Variants in MED13L observed in about 807,000 individuals in gnomAD.
MED13L encodes the protein mediator complex subunit 13L.
A neutral mutation model predicts 220.9 loss-of-function variants in MED13L; 7 were observed. The observed-to-expected ratio is 0.03, with a 90% confidence interval of 0.02 to 0.06. The LOEUF (loss-of-function observed/expected upper bound fraction) is 0.06. MED13L is among the 10% of genes least tolerant of loss of function. The pLI is 1.00. For missense variants in MED13L, 1,965 were observed against 2,760.5 expected, an observed-to-expected ratio of 0.71 and a Z score of 6.46; for synonymous variants, 1,011 against 1,015.2, an observed-to-expected ratio of 1.00 and a Z score of 0.08.
At chr12:116,258,854 T>C (rs138193299) in intron 1 of MED13L, among the ~76,000 whole-genome samples, 78 of 146,820 alleles carry the variant, frequency 5.3e-4, no homozygotes, top group African/African-American at 1.9e-3. Context: ...TGGATACCCA[T>C]ATAGATGAAA....
chr12:116,142,625 T>TG (rs1877171587), intron 2 of MED13L, among the ~76,000 whole-genome samples: 3 of 151,966 alleles, frequency 2.0e-5, no homozygotes, highest in Non-Finnish European at 4.4e-5. Flanking sequence ...GTGGCAGAGG[T>TG]TGCAGCAGGC....
At chr12:116,072,171 G>A (rs1215849447) in intron 4 of MED13L, among the ~76,000 whole-genome samples, 2 of 152,162 alleles carry the variant, frequency 1.3e-5, no homozygotes, top group African/African-American at 4.8e-5. Context: ...AGGTCTGTAG[G>A]GAAATACAGT....
At chr12:116,187,041 A>C (rs1880945251) in intron 2 of MED13L, among the ~76,000 whole-genome samples, 1 of 152,196 alleles carries the variant, frequency 6.6e-6, no homozygotes. Context: ...CTTTGTACTC[A>C]GGCAGCTAGC....
rs762575990 is a variant in MED13L, at chr12:115,975,290, G to A, written c.5612C>T (p.Ala1871Val). 6.2e-7 allele frequency: 1 copy of A among 1,614,060 alleles called. No homozygotes were observed. The highest frequency in any genetic ancestry group is 8.5e-7 in the Non-Finnish European group (1 of 1,179,992). ...TAACTTCTGTAGTCCAATTTTACGTGCAGATACTTTACTCCTCCGTGACCT... is the reference window on the plus strand; with the variant it reads ...TAACTTCTGTAGTCCAATTTTACGTACAGATACTTTACTCCTCCGTGACCT... ...PNRSRRSKVS[A>V]RKIGLQKLWE... is the part of the protein sequence containing the mutation. Residue 1871 changes from alanine to valine, a missense_variant, in exon 25 of 31, where the codon GCA becomes GTA. Ala to Val is a moderately conservative substitution (Grantham distance 64, BLOSUM62 0). This residue lies in a region of MED13L where 510 missense variants were observed against 620.4 expected (regional missense o/e 0.82). Coordinates refer to ENST00000281928, the MANE Select transcript of MED13L (RefSeq NM_015335.5).
At position 116,034,942 on chromosome 12, in the gene MED13L, T is replaced by C. The variant is rs192170150; in HGVS notation, c.480-12341A>G. ...ATCACTTGAACCTGGGAGGCGGAGG[T>C]TGCAGTGAGCCGAGATCGCGCCACT... On this transcript the variant is annotated intron_variant, in intron 4 of 30. Transcript: ENST00000281928. 2.0e-3 allele frequency among the ~76,000 whole-genome samples: 300 copies of C among 152,074 alleles called. 1 individual carries two copies. The highest frequency in any genetic ancestry group is 7.0e-3 in the African/African-American group (291 of 41,496).
chr12:116,254,543 G>A (rs911862732), intron 1 of MED13L, among the ~76,000 whole-genome samples: 12 of 152,026 alleles, frequency 7.9e-5, no homozygotes, highest in Admixed American at 7.9e-4. Context: ...TAGGTCAGGA[G>A]TTCAAGACCA....
chr12:116,130,172 A>C (rs1875951565), intron 2 of MED13L, among the ~76,000 whole-genome samples: 2 of 152,196 alleles, frequency 1.3e-5, no homozygotes, highest in Admixed American at 1.3e-4. Flanking sequence ...TCTCCTTTGA[A>C]AGTGATCATA....
intron 1 of MED13L, among the ~76,000 whole-genome samples, chr12:116,253,742 C>A: frequency 7.0e-6 from 1 of 141,894 alleles, no homozygotes; most frequent in East Asian, 2.0e-4. Context: ...CCCACCTTCA[C>A]GGTTTTTTTT....
chr12:115,991,218 T>C lies in MED13L; in HGVS notation c.3736A>G (p.Ile1246Val). 1.2e-6 allele frequency: 2 copies of C among 1,614,126 alleles called. No homozygotes were observed. Among genetic ancestry groups the C allele is most frequent in the Non-Finnish European group, 1.7e-6 (2 of 1,180,016 alleles). ...PFASLNFLDY[I>V]SSNNRQTLPC... ...AGAGTTTGGCGATTGTTAGAGGAAATGTAGTCCAGGAAATTCAGTGAAGCA... is the reference window on the plus strand; with the variant it reads ...AGAGTTTGGCGATTGTTAGAGGAAACGTAGTCCAGGAAATTCAGTGAAGCA... The change falls in exon 17 of 31, where the codon ATT (isoleucine) becomes GTT (valine). Residue 1246 changes from isoleucine to valine, a missense_variant. By Grantham distance (29) the Ile-to-Val change is conservative. Coordinates refer to ENST00000281928, the MANE Select transcript of MED13L (RefSeq NM_015335.5). The surrounding 1 kb of genome is among the most constrained non-coding windows in gnomAD (Gnocchi z 7.7).
At chr12:116,035,892 A>C (rs1394306235) in intron 4 of MED13L, among the ~76,000 whole-genome samples, 1 of 152,148 alleles carries the variant, frequency 6.6e-6, no homozygotes, top group East Asian at 1.9e-4. Flanking sequence ...CTATGTTCTA[A>C]TAGGGAAAGA....
intron 2 of MED13L, among the ~76,000 whole-genome samples, chr12:116,220,155 C>A (rs1302779669): frequency 2.6e-5 from 4 of 152,076 alleles, no homozygotes; most frequent in Admixed American, 2.6e-4. Flanking sequence ...TGAACTAAAG[C>A]TGTAACAGAC....
At chr12:116,016,321 C>T (rs978668836) in intron 7 of MED13L, among the ~76,000 whole-genome samples, 3 of 152,032 alleles carry the variant, frequency 2.0e-5, no homozygotes, top group Admixed American at 1.3e-4. Flanking sequence ...GACCCAAATG[C>T]TTATATTCTA....
At chr12:116,203,251 G>C (rs1882113780) in intron 2 of MED13L, among the ~76,000 whole-genome samples, 1 of 152,104 alleles carries the variant, frequency 6.6e-6, no homozygotes, top group African/African-American at 2.4e-5. Context: ...TACAAGTTTT[G>C]CTTATAAAAG....
intron 23 of MED13L, among the ~76,000 whole-genome samples, chr12:115,978,493 A>AT (rs1239393664): frequency 6.6e-6 from 1 of 151,864 alleles, no homozygotes; most frequent in Non-Finnish European, 1.5e-5. Context: ...CGCCTGGCTA[A>AT]TTTTTTTATT....
At chr12:116,188,629 TACA>T (rs1265159046) in intron 2 of MED13L, among the ~76,000 whole-genome samples, 1 of 152,144 alleles carries the variant, frequency 6.6e-6, no homozygotes, top group Non-Finnish European at 1.5e-5. Flanking sequence ...AAAACCGTAG[TACA>T]ACATCACAAC....
At chr12:116,039,393 T>C (rs576117265) in intron 4 of MED13L, among the ~76,000 whole-genome samples, 28 of 152,314 alleles carry the variant, frequency 1.8e-4, no homozygotes, top group African/African-American at 6.5e-4. Flanking sequence ...CTAACGCTTA[T>C]TTGGTAGAAT....
intron 27 of MED13L, among the ~76,000 whole-genome samples, chr12:115,970,061 G>A (rs1876475896): frequency 6.6e-6 from 1 of 152,008 alleles, no homozygotes; most frequent in African/African-American, 2.4e-5. Context: ...AACACTGGTA[G>A]GTGTTATAAT....
chr12:115,963,381 G>A, intron 30 of MED13L, 26 bp downstream of exon 30: 1 of 1,496,962 alleles, frequency 6.7e-7, no homozygotes, highest in Non-Finnish European at 9.3e-7. Context: ...AAATTGCACT[G>A]CTATGATGCC....
At chr12:116,214,950 T>A (rs2138367037) in intron 2 of MED13L, among the ~76,000 whole-genome samples, 1 of 152,318 alleles carries the variant, frequency 6.6e-6, no homozygotes, top group African/African-American at 2.4e-5. Flanking sequence ...TGGTCTCACA[T>A]CACTACTACC....
Sources: gnomAD v4.1 joint callset for allele counts (sites outside exome capture counted in the v4.1 genomes callset) on GRCh38, gnomAD v4.1.1 for gene constraint, gnomAD v4.1.1 regional missense constraint, Gnocchi (gnomAD v3.1) non-coding constraint, MANE v1.5 for transcripts, NCBI Gene and HGNC (gene_info 2026-07-23, HGNC 2026-07-21) for gene names.